The following SUCLG2 variants were observed in gnomAD, a reference collection of about 807,000 sequenced individuals.
The protein encoded by SUCLG2 is succinate-CoA ligase GDP-forming subunit beta.
In SUCLG2, 42 loss-of-function variants were observed where a neutral mutation model predicts 47.9. The observed-to-expected ratio is 0.88, with a 90% CI of 0.69 to 1.14. The LOEUF (loss-of-function observed/expected upper bound fraction) is 1.14. SUCLG2 is among the 50% of genes most tolerant of loss of function. SUCLG2 has a pLI of 0.00. For missense variants in SUCLG2, 571 were observed against 525.9 expected (o/e 1.09, Z -0.84); for synonymous variants, 195 against 197.3 (o/e 0.99, Z 0.10).
At chr3:67,544,640 A>G (rs1706815165) in intron 2 of SUCLG2, among the ~76,000 whole-genome samples, 1 of 152,210 alleles carries the variant, frequency 6.6e-6, no homozygotes, top group Non-Finnish European at 1.5e-5. Context: ...TACTTGGCCA[A>G]CGTCATGAGG....
intron 9 of SUCLG2, among the ~76,000 whole-genome samples, chr3:67,409,806 T>C (rs1040093740): frequency 1.3e-5 from 2 of 152,120 alleles, no homozygotes; most frequent in African/African-American, 2.4e-5. Context: ...CAGCTCTAAA[T>C]AGAATGAAGA....
intron 2 of SUCLG2, among the ~76,000 whole-genome samples, chr3:67,569,547 A>T (rs947243458): frequency 2.0e-5 from 3 of 152,256 alleles, no homozygotes; most frequent in Non-Finnish European, 2.9e-5. Flanking sequence ...ATTATTCTCA[A>T]GCCTTAAAAT....
chr3:67,419,384 T>C (rs1235694411), intron 9 of SUCLG2, among the ~76,000 whole-genome samples: 3 of 152,162 alleles, frequency 2.0e-5, no homozygotes, highest in Non-Finnish European at 2.9e-5. Context: ...ACATAAGAAA[T>C]TGGCTTACAA....
At position 67,518,233 on chromosome 3, in the gene SUCLG2, A is replaced by G; in HGVS notation, c.660+14T>C. Reference sequence around the variant, plus strand: ...AAACAAGTCAGACACACCATCCCCCAATGGCTTATATACCTGGCTTTTCAA... The same window carrying G: ...AAACAAGTCAGACACACCATCCCCCGATGGCTTATATACCTGGCTTTTCAA... On this transcript the variant is annotated intron_variant, in intron 6 of 10. Transcript: ENST00000307227. 6.2e-7 allele frequency: 1 copy of G among 1,601,786 alleles called. No homozygotes were observed. The highest frequency in any genetic ancestry group is 8.5e-7 in the Non-Finnish European group (1 of 1,172,422).
At chr3:67,532,740 G>GT (rs765733838) in intron 2 of SUCLG2, among the ~76,000 whole-genome samples, 1 of 152,124 alleles carries the variant, frequency 6.6e-6, no homozygotes, top group Non-Finnish European at 1.5e-5. Flanking sequence ...CTCAAACACA[G>GT]TATCACTTAA....
At chr3:67,626,024 AT>A (rs11329006) in intron 1 of SUCLG2, among the ~76,000 whole-genome samples, 48,274 of 138,378 alleles carry the variant, frequency 0.35, 7,943 homozygotes, top group Non-Finnish European at 0.38. Context: ...ATATATTTAC[AT>A]TTTTTTTTTT....
chr3:67,617,223 T>A (rs1049613404), intron 1 of SUCLG2, among the ~76,000 whole-genome samples: 2 of 152,174 alleles, frequency 1.3e-5, no homozygotes, highest in African/African-American at 4.8e-5. Context: ...AACTGTGCCA[T>A]CCGGTAAAAG....
intron 9 of SUCLG2, among the ~76,000 whole-genome samples, chr3:67,459,573 T>C (rs1381806276): frequency 6.6e-6 from 1 of 152,094 alleles, no homozygotes; most frequent in African/African-American, 2.4e-5. Context: ...GAAAAAGAAA[T>C]TTACCAGGGA....
chr3:67,563,885 C>T (rs146288241), intron 2 of SUCLG2, among the ~76,000 whole-genome samples: 3,683 of 148,974 alleles, frequency 0.025, 67 homozygotes, highest in Middle Eastern at 0.053. Flanking sequence ...GGCGTGAACC[C>T]GAGAGGCGAG....
intron 9 of SUCLG2, among the ~76,000 whole-genome samples, chr3:67,466,397 G>A (rs557611176): frequency 6.6e-6 from 1 of 152,268 alleles, no homozygotes; most frequent in East Asian, 1.9e-4. Context: ...CATTTAAAAA[G>A]ATGGATTTAA....
intron 2 of SUCLG2, among the ~76,000 whole-genome samples, chr3:67,595,903 T>C (rs897581541): frequency 6.6e-6 from 1 of 152,218 alleles, no homozygotes; most frequent in African/African-American, 2.4e-5. Context: ...ATGTGCTCTT[T>C]GTCTTGAAAA....
chr3:67,649,316 G>C (rs1047460276), intron 1 of SUCLG2, among the ~76,000 whole-genome samples: 3 of 152,196 alleles, frequency 2.0e-5, no homozygotes, highest in Non-Finnish European at 4.4e-5. Context: ...GAAGGTAGGA[G>C]CTGTGTTTCT....
intron 9 of SUCLG2, among the ~76,000 whole-genome samples, chr3:67,451,054 C>T (rs1451592019): frequency 6.6e-6 from 1 of 152,192 alleles, no homozygotes. Context: ...GGTCTTCCTT[C>T]CTATTATTCC....
At chr3:67,395,561 CAAT>C (rs1416206001) in intron 10 of SUCLG2, among the ~76,000 whole-genome samples, 1 of 152,188 alleles carries the variant, frequency 6.6e-6, no homozygotes, top group Non-Finnish European at 1.5e-5. Context: ...TACTCCCACA[CAAT>C]AATAATGGGA....
At chr3:67,606,746 C>T (rs1700425810) in intron 2 of SUCLG2, among the ~76,000 whole-genome samples, 1 of 152,162 alleles carries the variant, frequency 6.6e-6, no homozygotes, top group Admixed American at 6.5e-5. Context: ...ACTTCAATTT[C>T]TACATTTAAC....
At chr3:67,543,950 T>C (rs1213354019) in intron 2 of SUCLG2, among the ~76,000 whole-genome samples, 1 of 152,200 alleles carries the variant, frequency 6.6e-6, no homozygotes, top group African/African-American at 2.4e-5. Context: ...CTCTAGAAGA[T>C]ATCTTAAGGA....
Position 67,612,374 on chromosome 3 carries a change from A to T in SUCLG2, c.85-2778T>A, listed in dbSNP as rs73090989. Among the ~76,000 whole-genome samples the T allele has an allele frequency of 1.9e-3, 283 of 148,400 alleles. 5 individuals carry two copies. Among genetic ancestry groups the T allele is most frequent in the African/African-American group, 6.5e-3 (260 of 39,888 alleles). On this transcript the variant is annotated intron_variant, in intron 1 of 10. Transcript: ENST00000307227. ...ACTCAGTCTCAAAAAACAAAAAAAA[A>T]TGTGATACATCTACAGAAGTATAAT...
chr3:67,413,551 A>G (rs941584912), intron 9 of SUCLG2, among the ~76,000 whole-genome samples: 1 of 152,234 alleles, frequency 6.6e-6, no homozygotes, highest in Admixed American at 6.5e-5. Context: ...CAAAAGCCAC[A>G]TTATTCTGTT....
At chr3:67,514,019 T>C (rs1429701987) in intron 6 of SUCLG2, 5 of 344,636 alleles carry the variant, frequency 1.5e-5, no homozygotes, top group Admixed American at 7.2e-5. Context: ...GACATATCCC[T>C]GGAAACCCAG....
Sources: allele counts gnomAD v4.1 joint callset (sites outside exome capture counted in the v4.1 genomes callset), GRCh38; gene constraint gnomAD v4.1.1; transcripts MANE v1.5; gene names NCBI Gene and HGNC (gene_info 2026-07-23, HGNC 2026-07-21).